Variants in PPP1R36 observed in about 807,000 individuals in gnomAD.
PPP1R36 encodes chromosome 14 open reading frame 50.
Under a neutral mutation model 53.4 loss-of-function variants are expected in PPP1R36, and 47 were observed. The ratio of observed to expected loss-of-function variants is 0.88; its 90% confidence interval spans 0.70 to 1.12. The LOEUF (loss-of-function observed/expected upper bound fraction) is 1.12, where lower values mean the gene tolerates loss of function less well. PPP1R36 is among the 50% of genes most tolerant of loss of function. PPP1R36 has a pLI of 0.00. For missense variants in PPP1R36, 456 were observed against 513.9 expected, an observed-to-expected ratio of 0.89 and a Z score of 1.09; for synonymous variants, 153 against 170.5, an observed-to-expected ratio of 0.90 and a Z score of 0.80.
chr14:64,575,177 A>T (rs12589307), intron 8 of PPP1R36, among the ~76,000 whole-genome samples: 90,503 of 151,714 alleles, frequency 0.6, 28,931 homozygotes, highest in East Asian at 0.85. Flanking sequence ...GTTTCACAAC[A>T]GGCCCCAGAT....
intron 3 of PPP1R36, among the ~76,000 whole-genome samples, chr14:64,560,103 C>CAA (rs1171697200): frequency 0.01 from 287 of 27,474 alleles, 31 homozygotes; most frequent in East Asian, 0.018. Context: ...GAATCTGTCA[C>CAA]AAAAAAAAAA....
At chr14:64,570,056 A>C (rs1184919329) in intron 7 of PPP1R36, among the ~76,000 whole-genome samples, 1 of 152,124 alleles carries the variant, frequency 6.6e-6, no homozygotes, top group Non-Finnish European at 1.5e-5. Context: ...TTAATTGATA[A>C]GAATAGATAA....
chr14:64,583,500 A>G (rs543717034), intron 8 of PPP1R36, among the ~76,000 whole-genome samples: 1 of 152,226 alleles, frequency 6.6e-6, no homozygotes, highest in Admixed American at 6.5e-5. Context: ...GGGTTACATC[A>G]GTTTGCTTTG....
At chr14:64,558,761 G>A (rs2080179926) in intron 3 of PPP1R36, among the ~76,000 whole-genome samples, 1 of 151,720 alleles carries the variant, frequency 6.6e-6, no homozygotes. Flanking sequence ...TCAGCCTCTT[G>A]AGTAGCTAGA....
At position 64,549,989 on chromosome 14, in the gene PPP1R36, G is replaced by A. The variant is rs773532270; in HGVS notation, c.-9G>A. 1.3e-6 allele frequency: 2 copies of A among 1,564,566 alleles called. No individual in the cohort carries two copies. Among genetic ancestry groups the A allele is most frequent in the Admixed American group, 3.8e-5 (2 of 53,014 alleles). On this transcript the variant is annotated 5_prime_UTR_variant, in exon 1 of 12. Coordinates refer to ENST00000298705, the MANE Select transcript of PPP1R36 (RefSeq NM_172365.3). ...CTCGGCGACGCCGTATGGCTTCCAG[G>A]GCGAGGCCATGTACCGGGTGCCCGA... is the stretch of plus-strand genomic sequence containing the variant.
At position 64,588,067 on chromosome 14, in the gene PPP1R36, G is replaced by A; in HGVS notation, c.891-37G>A. 1.9e-6 allele frequency: 3 copies of A among 1,543,828 alleles called. No individual in the cohort carries two copies. The South Asian group carries it at 3.7e-5, about 19-fold the overall frequency. On this transcript the variant is annotated intron_variant, in intron 10 of 11. Transcript: ENST00000298705. ...CCTCAAGAACATTTCTAGAAAACAGGGTGATATGACCTAAATGTCACCTTC... is the reference window on the plus strand; with the variant it reads ...CCTCAAGAACATTTCTAGAAAACAGAGTGATATGACCTAAATGTCACCTTC...
rs2080276446 is a variant in PPP1R36, at chr14:64,568,342, C to T, written c.435-7C>T. The T allele has an allele frequency of 3.1e-6, 4 of 1,298,308 alleles. No homozygotes were observed. Among genetic ancestry groups the T allele is most frequent in the Admixed American group, 2.3e-5 (1 of 44,024 alleles). The allele number at this position is 1,298,308 out of a possible 1,614,324, so 80.4% of individuals were successfully genotyped here. A position where few individuals can be genotyped will look rare whatever the true frequency, so the allele number is the denominator to read the frequency against. On this transcript the variant is annotated splice_region_variant and splice_polypyrimidine_tract_variant and intron_variant, in intron 6 of 11. Coordinates refer to ENST00000298705, the MANE Select transcript of PPP1R36 (RefSeq NM_172365.3). ...CTCTTTTTTTGTTGTTTCAAATCTCCCCATAGGAATAAGAATCTTGATAAT... is the reference window on the plus strand; with the variant it reads ...CTCTTTTTTTGTTGTTTCAAATCTCTCCATAGGAATAAGAATCTTGATAAT...
At chr14:64,585,876 G>C (rs1189374010) in intron 8 of PPP1R36, among the ~76,000 whole-genome samples, 1 of 152,236 alleles carries the variant, frequency 6.6e-6, no homozygotes, top group African/African-American at 2.4e-5. Context: ...TAGGCTGGGA[G>C]TCAGAATCAG....
At chr14:64,586,611 A>G in intron 8 of PPP1R36, 2 of 395,234 alleles carry the variant, frequency 5.1e-6, no homozygotes, top group Non-Finnish European at 9.0e-6. Flanking sequence ...CCCCAAATTT[A>G]TATTGATTAA....
At chr14:64,577,654 T>C (rs1260139158) in intron 8 of PPP1R36, among the ~76,000 whole-genome samples, 2 of 151,890 alleles carry the variant, frequency 1.3e-5, no homozygotes, top group East Asian at 1.9e-4. Context: ...TAGTCCTGTC[T>C]TGGTGTCTGC....
chr14:64,554,015 G>T (rs1391680958), intron 3 of PPP1R36, among the ~76,000 whole-genome samples: 1 of 151,764 alleles, frequency 6.6e-6, no homozygotes, highest in African/African-American at 2.4e-5. Flanking sequence ...GGATTACCTT[G>T]GGCATCTACC....
chr14:64,551,672 C>T (rs1393112196), intron 2 of PPP1R36: 1 of 456,116 alleles, frequency 2.2e-6, no homozygotes, highest in African/African-American at 2.0e-5. Flanking sequence ...GCAACTGAAC[C>T]AAAGTCATAC....
intron 8 of PPP1R36, among the ~76,000 whole-genome samples, chr14:64,580,589 G>A (rs73269750): frequency 5.5e-4 from 83 of 152,270 alleles, no homozygotes; most frequent in African/African-American, 2.0e-3. Context: ...TTTTTCCACT[G>A]TATGCGACAT....
intron 8 of PPP1R36, among the ~76,000 whole-genome samples, chr14:64,580,434 T>G (rs2080379578): frequency 6.6e-6 from 1 of 152,272 alleles, no homozygotes. Flanking sequence ...TATAATATTT[T>G]TTAGTTCTCG....
At chr14:64,574,110 C>T (rs995505951) in intron 7 of PPP1R36, among the ~76,000 whole-genome samples, 24 of 151,750 alleles carry the variant, frequency 1.6e-4, no homozygotes, top group Admixed American at 3.3e-4. Flanking sequence ...GGCACACTGG[C>T]TCACGCCTGC....
chr14:64,572,896 G>T (rs984876811), intron 7 of PPP1R36, among the ~76,000 whole-genome samples: 2 of 152,192 alleles, frequency 1.3e-5, no homozygotes, highest in Non-Finnish European at 2.9e-5. Flanking sequence ...ACAGGCACAG[G>T]GGTGTGGCCA....
chr14:64,551,598 C>T (rs1055083460), intron 2 of PPP1R36: 2 of 456,076 alleles, frequency 4.4e-6, no homozygotes, highest in Non-Finnish European at 8.8e-6. Context: ...CTTAAAACAA[C>T]TGTGGAAAGT....
intron 10 of PPP1R36, 73 bp downstream of exon 10, chr14:64,587,445 CTCCTTT>C: frequency 1.1e-5 from 3 of 283,834 alleles, no homozygotes; most frequent in African/African-American, 3.2e-5. Flanking sequence ...TTTCTTTTTT[CTCCTTT>C]TTTTTTTTTT....
chr14:64,550,216 T>G, intron 1 of PPP1R36, 150 bp downstream of exon 1: 2 of 1,397,826 alleles, frequency 1.4e-6, no homozygotes, highest in Non-Finnish European at 1.9e-6. Context: ...CTGGCCATAT[T>G]TGCCTAGAAA....
Sources: allele counts gnomAD v4.1 joint callset (sites outside exome capture counted in the v4.1 genomes callset), GRCh38; gene constraint gnomAD v4.1.1; transcripts MANE v1.5; gene names NCBI Gene and HGNC (gene_info 2026-07-23, HGNC 2026-07-21).